Variants in ZNF266 observed in about 807,000 individuals in gnomAD.
ZNF266 encodes zinc finger protein 266.
ZNF266 carries 16 observed loss-of-function variants against 16.4 expected under a neutral mutation model. That is an observed-to-expected ratio of 0.98 (90% CI 0.66 to 1.48). The LOEUF (loss-of-function observed/expected upper bound fraction) is 1.48. ZNF266 is among the 40% of genes most tolerant of loss of function. ZNF266 has a pLI of 0.00. For synonymous variants in ZNF266, 262 were observed against 237.9 expected, an observed-to-expected ratio of 1.10 and a Z score of -0.93; for missense variants, 738 against 689.1, an observed-to-expected ratio of 1.07 and a Z score of -0.79.
intron 5 of ZNF266, among the ~76,000 whole-genome samples, chr19:9,423,252 G>C (rs2123150560): frequency 6.6e-6 from 1 of 152,292 alleles, no homozygotes; most frequent in East Asian, 1.9e-4. Flanking sequence ...CCTTAGAGGA[G>C]ACCAGCCAGC....
intron 9 of ZNF266, among the ~76,000 whole-genome samples, chr19:9,416,353 TTTTTG>T (rs1555748543): frequency 3.6e-5 from 1 of 28,024 alleles, no homozygotes; most frequent in Non-Finnish European, 8.2e-5. Flanking sequence ...AAGGAGCTTG[TTTTTG>T]TTTTTTGTTT....
At chr19:9,428,121 A>C (rs2071037918) in intron 5 of ZNF266, among the ~76,000 whole-genome samples, 1 of 152,084 alleles carries the variant, frequency 6.6e-6, no homozygotes, top group Non-Finnish European at 1.5e-5. Flanking sequence ...GCCCCTCCTG[A>C]CTTCCTGTTA....
chr19:9,422,291 A>G (rs1432495212), intron 5 of ZNF266, among the ~76,000 whole-genome samples: 3 of 152,154 alleles, frequency 2.0e-5, no homozygotes, highest in Non-Finnish European at 2.9e-5. Flanking sequence ...TTGGGTGCCA[A>G]TGTTCCCCTT....
intron 5 of ZNF266, among the ~76,000 whole-genome samples, chr19:9,430,954 G>T (rs1317520904): frequency 5.3e-5 from 8 of 152,084 alleles, no homozygotes; most frequent in Admixed American, 3.9e-4. Context: ...CCCTCTTCTC[G>T]CGGATCTGTA....
chr19:9,413,730 T>G lies in ZNF266; in HGVS notation c.1396A>C (p.Thr466Pro). 6.2e-7 allele frequency: 1 copy of G among 1,614,164 alleles called. No individual in the cohort carries two copies. The highest frequency in any genetic ancestry group is 8.5e-7 in the Non-Finnish European group (1 of 1,180,028). The change falls in exon 11 of 11, where the codon ACA becomes CCA. Residue 466 changes from threonine to proline, a missense_variant. Physicochemically the swap from Thr to Pro is conservative, Grantham distance 38. Transcript: ENST00000592904. ...GGCTTCTCTCCAGTGTGAGTTCTTG[T>G]ATGTTCACTAAGGCGAGAGGATCTG... ...FARSSRLSEHTRTHTGEKPFE... is the reference protein window; with the variant it reads ...FARSSRLSEHPRTHTGEKPFE...
rs2072223909 is a variant in ZNF266 at position 9,434,870 on chromosome 19, C to T, written c.-471-11G>A. On this transcript the variant is annotated splice_polypyrimidine_tract_variant and intron_variant, in intron 2 of 10. Transcript: ENST00000592904. ...TGGGGAGGTACAGGCCTAGGAAGTT[C>T]AGATAAAAAGAATAGCTGAGTATTC... 1 of 152,106 alleles carries T rather than the reference C, an allele frequency of 6.6e-6. No homozygotes were observed. Among genetic ancestry groups the T allele is most frequent in the East Asian group, 1.9e-4 (1 of 5,204 alleles). The allele number at this position is 152,106 out of a possible 1,614,324, so 9.4% of individuals were successfully genotyped here.
rs370002501 is a variant in ZNF266, at chr19:9,413,495, G to T, written c.1631C>A (p.Thr544Lys). 6.2e-7 allele frequency: 1 copy of T among 1,612,928 alleles called. No homozygotes were observed. Among genetic ancestry groups the T allele is most frequent in the Admixed American group, 1.7e-5 (1 of 59,944 alleles). ...GATCCGCATGTGAAGGTTAACACACGTGGGAAACTTAAAAGCTTTGCCACA... is the reference window on the plus strand; with the variant it reads ...GATCCGCATGTGAAGGTTAACACACTTGGGAAACTTAAAAGCTTTGCCACA... ...MECGKAFKFP[T>K]CVNLHMRIHT... Residue 544 changes from threonine to lysine, a missense_variant, in exon 11 of 11, where the codon ACG becomes AAG. Physicochemically the swap from Thr to Lys is moderately conservative, Grantham distance 78. Transcript: ENST00000592904.
chr19:9,426,237 C>A (rs560076687), intron 5 of ZNF266, among the ~76,000 whole-genome samples: 1 of 151,242 alleles, frequency 6.6e-6, no homozygotes, highest in South Asian at 2.1e-4. Flanking sequence ...CCAGAGGACC[C>A]GGGGCCACTC....
intron 5 of ZNF266, among the ~76,000 whole-genome samples, chr19:9,430,768 T>C (rs2071469065): frequency 6.6e-6 from 1 of 151,992 alleles, no homozygotes; most frequent in African/African-American, 2.4e-5. Flanking sequence ...GTCATGTAAA[T>C]CAGTTCTCCC....
chr19:9,413,247 G>A lies in ZNF266; in HGVS notation c.*28C>T. 2 of 1,540,314 alleles carry A rather than the reference G, an allele frequency of 1.3e-6. No homozygotes were observed. The highest frequency in any genetic ancestry group is 2.3e-5 in the East Asian group (1 of 44,338). ...AGTTTTCATGTCTTCAGAGAGAACA[G>A]GGACACCTTTAGGTTTTCCCACATT... On this transcript the variant is annotated 3_prime_UTR_variant, in exon 11 of 11. Transcript: ENST00000592904.
intron 5 of ZNF266, among the ~76,000 whole-genome samples, chr19:9,420,995 TA>T (rs1599479389): frequency 6.6e-6 from 1 of 151,344 alleles, no homozygotes; most frequent in Non-Finnish European, 1.5e-5. Flanking sequence ...CCACTCCATA[TA>T]AACCGAGTAT....
intron 9 of ZNF266, among the ~76,000 whole-genome samples, chr19:9,416,360 T>G (rs1264312058): frequency 4.3e-5 from 6 of 139,662 alleles, no homozygotes; most frequent in African/African-American, 1.4e-4. Context: ...TTGTTTTTGT[T>G]TTTTGTTTTT....
At chr19:9,419,745 C>CA (rs1395764061) in intron 6 of ZNF266, 3 of 151,774 alleles carry the variant, frequency 2.0e-5, no homozygotes, top group African/African-American at 2.4e-5. Context: ...ACTAAAATTA[C>CA]AAAAAATTAG....
chr19:9,422,493 C>T (rs1215524593), intron 5 of ZNF266, among the ~76,000 whole-genome samples: 1 of 152,194 alleles, frequency 6.6e-6, no homozygotes, highest in East Asian at 1.9e-4. Flanking sequence ...TCTTTCTATG[C>T]ACTTAGCCAC....
chr19:9,413,811 G>A lies in ZNF266; in HGVS notation c.1315C>T (p.Arg439Ter), dbSNP rs139533300. ...TAGGGCCTCTCTCCACTGTGAGTTC[G>A]TGCATGCTTAGTAAGGTCTGAGTTC... ...TQNSDLTKHA[R>*]THSGERPYEC... Residue 439 changes from arginine to a stop codon, truncating the protein, a stop_gained, in exon 11 of 11, where the codon CGA becomes TGA. Coordinates refer to ENST00000592904, the MANE Select transcript of ZNF266 (RefSeq NM_001370374.1). LOFTEE classifies it low-confidence loss of function (END_TRUNC). 1.1e-4 allele frequency: 185 copies of A among 1,613,984 alleles called. No individual in the cohort carries two copies. In the African/African-American group the frequency reaches 1.9e-3, roughly 16 times the overall value.
At chr19:9,429,761 C>A (rs1445170660) in intron 5 of ZNF266, among the ~76,000 whole-genome samples, 1 of 152,148 alleles carries the variant, frequency 6.6e-6, no homozygotes, top group African/African-American at 2.4e-5. Flanking sequence ...TGTGCACACC[C>A]ACATACCCAA....
intron 10 of ZNF266, 99 bp downstream of exon 10, chr19:9,415,554 AG>A: frequency 1.0e-6 from 1 of 984,664 alleles, no homozygotes; most frequent in Non-Finnish European, 1.5e-6. Flanking sequence ...CTGGGATTAC[AG>A]GTGTGAGCCA....
At chr19:9,417,930 T>C (rs1286660533) in intron 8 of ZNF266, 22 bp from the exon 9 acceptor site, 1 of 1,608,350 alleles carries the variant, frequency 6.2e-7, no homozygotes, top group Admixed American at 1.7e-5. Context: ...GAAAGATACA[T>C]TACCAGAAGA....
At chr19:9,424,204 C>T (rs2070360102) in intron 5 of ZNF266, among the ~76,000 whole-genome samples, 1 of 141,556 alleles carries the variant, frequency 7.1e-6, no homozygotes, top group Non-Finnish European at 1.5e-5. Flanking sequence ...GCTTCATATA[C>T]CACTAAACCA....
Sources: gnomAD v4.1 joint callset for allele counts (sites outside exome capture counted in the v4.1 genomes callset) on GRCh38, gnomAD v4.1.1 for gene constraint, MANE v1.5 for transcripts, NCBI Gene and HGNC (gene_info 2026-07-23, HGNC 2026-07-21) for gene names.